The following UNC80 variants were observed in gnomAD, a reference collection of about 807,000 sequenced individuals.
UNC80 encodes unc-80 subunit of NALCN channel complex, also known as protein unc-80 homolog.
Under a neutral mutation model 384.6 loss-of-function variants are expected in UNC80, and 164 were observed. That is an observed-to-expected ratio of 0.43 (90% confidence interval 0.38 to 0.49). The LOEUF (loss-of-function observed/expected upper bound fraction) is 0.49, where lower values mean the gene tolerates loss of function less well. Among genes scored for constraint, UNC80 ranks in the 20% least tolerant of loss-of-function variants. The pLI is 0.00. For missense variants in UNC80, 3,330 were observed against 4,143.0 expected, an observed-to-expected ratio of 0.80 and a Z score of 5.39; for synonymous variants, 1,486 against 1,527.8, an observed-to-expected ratio of 0.97 and a Z score of 0.64.
chr2:209,809,412 C>T (rs1415427990), intron 7 of UNC80: 2 of 1,396,286 alleles, frequency 1.4e-6, no homozygotes, highest in Non-Finnish European at 2.0e-6. Context: ...AGCCCTTCTC[C>T]TGTACCCACT....
chr2:209,886,166 T>C (rs2085788150), intron 25 of UNC80, among the ~76,000 whole-genome samples: 1 of 151,894 alleles, frequency 6.6e-6, no homozygotes, highest in South Asian at 2.1e-4. Flanking sequence ...TTATTTTTTA[T>C]ATTTATTTGA....
intron 7 of UNC80, among the ~76,000 whole-genome samples, chr2:209,812,799 C>G (rs971892347): frequency 5.3e-5 from 8 of 152,078 alleles, no homozygotes; most frequent in African/African-American, 1.9e-4. Flanking sequence ...ACCTAAGATA[C>G]ATAGGATGGT....
At chr2:209,789,229 A>G (rs548636652) in intron 5 of UNC80, among the ~76,000 whole-genome samples, 39 of 152,218 alleles carry the variant, frequency 2.6e-4, no homozygotes, top group Non-Finnish European at 5.0e-4. Flanking sequence ...ATGCTTAGGA[A>G]CTTTGCATAT....
intron 59 of UNC80, 100 bp downstream of exon 59, chr2:209,978,808 C>A: frequency 8.6e-7 from 1 of 1,168,372 alleles, no homozygotes; most frequent in Non-Finnish European, 1.1e-6. Flanking sequence ...CGCTTCTGAT[C>A]CCCTAGTCAT....
rs189089840 is a variant in UNC80 at position 209,995,653 on chromosome 2, A to G, written c.*58A>G. 4.6e-6 allele frequency: 7 copies of G among 1,508,094 alleles called. No homozygotes were observed. Among genetic ancestry groups the G allele is most frequent in the East Asian group, 2.5e-5 (1 of 40,482 alleles). The allele number at this position is 1,508,094 out of a possible 1,614,324, so 93.4% of individuals were successfully genotyped here. On this transcript the variant is annotated 3_prime_UTR_variant, in exon 65 of 65. Transcript: ENST00000673920. ...AAGACATGAAAGTGATCTCTCTACT[A>G]CAAGTTCAATACTTTTGCTTGAAAA...
intron 23 of UNC80, among the ~76,000 whole-genome samples, chr2:209,876,500 T>A (rs116613573): frequency 6.6e-6 from 1 of 152,206 alleles, no homozygotes; most frequent in East Asian, 1.9e-4. Context: ...ACCAGACAAG[T>A]TCATTTTTTG....
chr2:209,802,092 T>C (rs573889370), intron 7 of UNC80, among the ~76,000 whole-genome samples: 1 of 152,208 alleles, frequency 6.6e-6, no homozygotes, highest in South Asian at 2.1e-4. Flanking sequence ...ACATGGAATC[T>C]TAAAAAGTGT....
chr2:209,849,037 A>G (rs967019290), intron 21 of UNC80, among the ~76,000 whole-genome samples: 1 of 152,152 alleles, frequency 6.6e-6, no homozygotes, highest in Non-Finnish European at 1.5e-5. Flanking sequence ...TGTACACATT[A>G]TACACAATGC....
chr2:209,806,718 C>G (rs757029465), intron 7 of UNC80, among the ~76,000 whole-genome samples: 1 of 152,220 alleles, frequency 6.6e-6, no homozygotes, highest in Non-Finnish European at 1.5e-5. Context: ...AATTCATTAT[C>G]TCTTTTGCTC....
chr2:209,960,032 T>TTA (rs1378955064), intron 51 of UNC80, among the ~76,000 whole-genome samples: 2 of 152,214 alleles, frequency 1.3e-5, no homozygotes, highest in African/African-American at 4.8e-5. Context: ...TCACTACTAT[T>TTA]TACTGCCCAG....
chr2:209,820,283 C>T, intron 12 of UNC80, 28 bp from the exon 13 acceptor site: 1 of 1,495,268 alleles, frequency 6.7e-7, no homozygotes, highest in Non-Finnish European at 8.9e-7. Context: ...GTAACTTAAT[C>T]ATGCTGTGTT....
intron 47 of UNC80, among the ~76,000 whole-genome samples, chr2:209,946,576 T>C (rs2091926866): frequency 6.6e-6 from 1 of 152,174 alleles, no homozygotes. Context: ...CAAAATTTCA[T>C]AACAGATATT....
At chr2:209,965,467 T>C (rs550801231) in intron 51 of UNC80, among the ~76,000 whole-genome samples, 46 of 152,010 alleles carry the variant, frequency 3.0e-4, no homozygotes, top group Non-Finnish European at 5.0e-4. Context: ...CTTAGAAGTT[T>C]TTTGTTTTTT....
intron 36 of UNC80, 90 bp downstream of exon 36, chr2:209,927,076 C>G (rs1266712767): frequency 7.2e-7 from 1 of 1,379,744 alleles, no homozygotes; most frequent in Admixed American, 2.1e-5. Flanking sequence ...ACATTATCTA[C>G]TGGCCACATG....
chr2:209,857,478 C>G (rs563908326), intron 22 of UNC80, among the ~76,000 whole-genome samples: 26 of 152,054 alleles, frequency 1.7e-4, no homozygotes, highest in Non-Finnish European at 3.7e-4. Flanking sequence ...ATTTCTATTT[C>G]TAAAATTGTT....
intron 29 of UNC80, among the ~76,000 whole-genome samples, chr2:209,906,660 G>A (rs1316802491): frequency 6.6e-6 from 1 of 151,804 alleles, no homozygotes; most frequent in Non-Finnish European, 1.5e-5. Flanking sequence ...AAATTCTGAG[G>A]GGAATGAAGG....
intron 7 of UNC80, chr2:209,808,834 C>T: frequency 2.9e-6 from 1 of 345,940 alleles, no homozygotes; most frequent in Non-Finnish European, 5.5e-6. Context: ...CAGGAAGCTC[C>T]CTGACCCTGA....
chr2:209,867,892 A>G (rs1171904670), intron 22 of UNC80, among the ~76,000 whole-genome samples: 1 of 152,236 alleles, frequency 6.6e-6, no homozygotes, highest in Non-Finnish European at 1.5e-5. Context: ...GGTGTTCTAA[A>G]TCAAATGAAT....
rs57804600 is a variant in UNC80, at chr2:209,955,692, AATATATATATATATATATATATATAT to A, written c.7457+1444_7457+1469del. The stretch of plus-strand genomic sequence containing the variant: ...TGTTCCCAAATGCCACTGTATTTCT[AATATATATATATATATATATATATAT>A]ATATATATATATATATATATACACA... On this transcript the variant is annotated intron_variant, in intron 48 of 64. Coordinates refer to ENST00000673920, the MANE Select transcript of UNC80 (RefSeq NM_001371986.1). Among the ~76,000 whole-genome samples, 23 of 51,614 alleles carry A rather than the reference AATATATATATATATATATATATATAT, an allele frequency of 4.5e-4. No homozygotes were observed. The South Asian group carries it at 0.01, about 23-fold the overall frequency. The allele number at this position is 51,614 out of a possible 152,430, so 33.9% of individuals were successfully genotyped here.
Sources: gnomAD v4.1 joint callset for allele counts (sites outside exome capture counted in the v4.1 genomes callset) on GRCh38, gnomAD v4.1.1 for gene constraint, MANE v1.5 for transcripts, NCBI Gene and HGNC (gene_info 2026-07-23, HGNC 2026-07-21) for gene names.